The following NYAP2 variants were observed in gnomAD, a reference collection of about 807,000 sequenced individuals.
NYAP2 encodes neuronal tyrosine-phosphorylated phosphoinositide-3-kinase adaptor 2, also known as neuronal tyrosine-phosphorylated phosphoinositide-3-kinase adapter 2.
NYAP2 carries 23 observed loss-of-function variants against 50.4 expected under a neutral mutation model. The observed-to-expected ratio is 0.46, with a 90% CI of 0.33 to 0.65. The LOEUF (loss-of-function observed/expected upper bound fraction) is 0.65, where lower values mean the gene tolerates loss of function less well. NYAP2 is among the 30% of genes least tolerant of loss of function. The pLI, the probability that NYAP2 is intolerant of heterozygous loss-of-function variation, is 0.02. For synonymous variants in NYAP2, 394 were observed against 365.2 expected (o/e 1.08, Z -0.90); for missense variants, 885 against 861.0 (o/e 1.03, Z -0.35).
At chr2:225,510,105 T>G (rs718659) in intron 3 of NYAP2, among the ~76,000 whole-genome samples, 48,066 of 152,022 alleles carry the variant, frequency 0.32, 7,740 homozygotes, top group South Asian at 0.48. Context: ...GGGTGAAGAA[T>G]ATATGTGAAA....
intron 5 of NYAP2, among the ~76,000 whole-genome samples, chr2:225,620,534 A>C (rs1693081120): frequency 6.6e-6 from 1 of 152,166 alleles, no homozygotes; most frequent in African/African-American, 2.4e-5. Context: ...TTTATTCCCA[A>C]ATAAAATTCT....
chr2:225,533,895 A>G lies in NYAP2; in HGVS notation c.523+20223A>G, dbSNP rs142505762. On this transcript the variant is annotated intron_variant, in intron 4 of 6. Transcript: ENST00000636099. ...TTTACATGTCATATAAACATTTGCT[A>G]TCAGATAAAGGAAGCCAGAGTTATA... 4.4e-3 allele frequency among the ~76,000 whole-genome samples: 673 copies of G among 152,312 alleles called. 7 individuals carry two copies. The highest frequency in any genetic ancestry group is 0.014 in the African/African-American group (570 of 41,570).
the NYAP2 span, among the ~76,000 whole-genome samples, chr2:225,679,000 T>C: frequency 6.6e-6 from 1 of 152,180 alleles, no homozygotes; most frequent in East Asian, 1.9e-4. Context: ...GGTTTTCTTA[T>C]CATTGTTCAA....
chr2:225,508,737 A>G (rs1470104033), intron 3 of NYAP2, among the ~76,000 whole-genome samples: 1 of 152,240 alleles, frequency 6.6e-6, no homozygotes, highest in African/African-American at 2.4e-5. Flanking sequence ...ATCTGGGAAG[A>G]AGTAATCAGG....
At chr2:225,475,774 G>T (rs1480092980) in intron 3 of NYAP2, among the ~76,000 whole-genome samples, 1 of 152,114 alleles carries the variant, frequency 6.6e-6, no homozygotes, top group Non-Finnish European at 1.5e-5. Flanking sequence ...TCATAATACT[G>T]AACTGATTTC....
intron 2 of NYAP2, among the ~76,000 whole-genome samples, chr2:225,407,016 T>C (rs1694952863): frequency 6.6e-6 from 1 of 152,050 alleles, no homozygotes; most frequent in African/African-American, 2.4e-5. Flanking sequence ...GTGATCATCT[T>C]CCAGCCGGAG....
At chr2:225,552,035 A>G (rs928201700) in intron 4 of NYAP2, among the ~76,000 whole-genome samples, 1 of 151,996 alleles carries the variant, frequency 6.6e-6, no homozygotes, top group Admixed American at 6.6e-5. Flanking sequence ...TTGGTCTCGA[A>G]CTCTTGACCT....
intron 5 of NYAP2, among the ~76,000 whole-genome samples, chr2:225,612,822 A>ACATCACACCCAATGTGTGTGATGT (rs1692921489): frequency 6.6e-6 from 1 of 151,800 alleles, no homozygotes; most frequent in Non-Finnish European, 1.5e-5. Context: ...GTGTGTGATG[A>ACATCACACCCAATGTGTGTGATGT]CATCACACCC....
chr2:225,414,455 C>A (rs533794185), intron 3 of NYAP2, among the ~76,000 whole-genome samples: 33 of 152,228 alleles, frequency 2.2e-4, no homozygotes, highest in Middle Eastern at 3.4e-3. Context: ...AAAACAAACA[C>A]ACAAAACCTA....
At chr2:225,549,338 G>A (rs1332852487) in intron 4 of NYAP2, among the ~76,000 whole-genome samples, 1 of 152,126 alleles carries the variant, frequency 6.6e-6, no homozygotes, top group African/African-American at 2.4e-5. Flanking sequence ...TCTAAACAGT[G>A]AACTCCTATA....
At chr2:225,487,574 G>T (rs1030348694) in intron 3 of NYAP2, among the ~76,000 whole-genome samples, 1 of 151,966 alleles carries the variant, frequency 6.6e-6, no homozygotes, top group Non-Finnish European at 1.5e-5. Context: ...TGGCCAGGCT[G>T]GTCTTGAACT....
intron 3 of NYAP2, among the ~76,000 whole-genome samples, chr2:225,489,524 G>A (rs1311421172): frequency 6.6e-6 from 1 of 152,038 alleles, no homozygotes; most frequent in Non-Finnish European, 1.5e-5. Flanking sequence ...TTCACCTGTA[G>A]CTGGTAATTA....
rs567272317 is a variant in NYAP2, at chr2:225,465,418, C to G, written c.222-47953C>G. 7.9e-5 allele frequency among the ~76,000 whole-genome samples: 12 copies of G among 152,182 alleles called. No homozygotes were observed. In the East Asian group the frequency reaches 2.3e-3, roughly 29 times the overall value. ...GGTGCTTCCTAGATCTATATACATT[C>G]TAAAACCATTCTCTGGGGCCGGGCG... On this transcript the variant is annotated intron_variant, in intron 3 of 6. Transcript: ENST00000636099.
chr2:225,412,106 G>A (rs1335838809), intron 3 of NYAP2, among the ~76,000 whole-genome samples: 1 of 150,508 alleles, frequency 6.6e-6, no homozygotes, highest in Non-Finnish European at 1.5e-5. Flanking sequence ...CTACAGGCAT[G>A]CACCACCATG....
chr2:225,643,196 A>G (rs1485394181), intron 6 of NYAP2, among the ~76,000 whole-genome samples: 1 of 152,042 alleles, frequency 6.6e-6, no homozygotes, highest in East Asian at 1.9e-4. Flanking sequence ...GAGAGTTTGT[A>G]TAACTTCCCT....
intron 6 of NYAP2, among the ~76,000 whole-genome samples, chr2:225,628,673 AC>A (rs1386273514): frequency 2.6e-5 from 4 of 152,124 alleles, no homozygotes; most frequent in African/African-American, 9.7e-5. Context: ...AAAAACTTTG[AC>A]ATCACTATTT....
At chr2:225,545,912 C>G (rs535792788) in intron 4 of NYAP2, among the ~76,000 whole-genome samples, 1 of 152,234 alleles carries the variant, frequency 6.6e-6, no homozygotes, top group South Asian at 2.1e-4. Context: ...ACCCTAAGCC[C>G]AATGATGCTG....
At chr2:225,632,404 C>A (rs373944052) in intron 6 of NYAP2, among the ~76,000 whole-genome samples, 1 of 152,154 alleles carries the variant, frequency 6.6e-6, no homozygotes, top group Non-Finnish European at 1.5e-5. Flanking sequence ...TCTCTGTCCC[C>A]CCTCCACACT....
chr2:225,578,201 A>G (rs780940303), intron 4 of NYAP2, among the ~76,000 whole-genome samples: 4 of 152,014 alleles, frequency 2.6e-5, no homozygotes, highest in Non-Finnish European at 5.9e-5. Context: ...CCAAGGTGCT[A>G]GGATTACAGG....
Sources: allele counts gnomAD v4.1 joint callset (sites outside exome capture counted in the v4.1 genomes callset), GRCh38; gene constraint gnomAD v4.1.1; transcripts MANE v1.5; gene names NCBI Gene and HGNC (gene_info 2026-07-23, HGNC 2026-07-21).